SSH1: variants seen among roughly 807,000 people sequenced by gnomAD.
SSH1 encodes the protein slingshot protein phosphatase 1.
In SSH1, 43 loss-of-function variants were observed where a neutral mutation model predicts 79.7. The ratio of observed to expected loss-of-function variants is 0.54; its 90% confidence interval spans 0.42 to 0.70. SSH1 has a LOEUF of 0.70. Among genes scored for constraint, SSH1 ranks in the 30% least tolerant of loss-of-function variants. The pLI, the probability that SSH1 is intolerant of heterozygous loss-of-function variation, is 0.00. For missense variants in SSH1, 1,206 were observed against 1,358.8 expected, an observed-to-expected ratio of 0.89 and a Z score of 1.77; for synonymous variants, 599 against 538.3, an observed-to-expected ratio of 1.11 and a Z score of -1.56.
At chr12:108,804,526 G>A (rs565356068) in intron 10 of SSH1, among the ~76,000 whole-genome samples, 8 of 152,312 alleles carry the variant, frequency 5.3e-5, no homozygotes, top group Middle Eastern at 3.4e-3. Flanking sequence ...TACAGGACCC[G>A]GGTGAGGGCT....
At chr12:108,822,965 G>C (rs2038178523) in intron 3 of SSH1, among the ~76,000 whole-genome samples, 2 of 152,214 alleles carry the variant, frequency 1.3e-5, no homozygotes, top group African/African-American at 4.8e-5. Context: ...AAAAAGTCAG[G>C]CTGTAACTTA....
chr12:108,846,539 G>A (rs1027697377), intron 2 of SSH1, among the ~76,000 whole-genome samples: 5 of 152,234 alleles, frequency 3.3e-5, no homozygotes, highest in African/African-American at 9.6e-5. Flanking sequence ...AGAAGGCAGG[G>A]GAGAGCGAGG....
At chr12:108,824,129 C>T (rs2038226422) in intron 2 of SSH1, among the ~76,000 whole-genome samples, 1 of 152,214 alleles carries the variant, frequency 6.6e-6, no homozygotes, top group African/African-American at 2.4e-5. Context: ...TGAAATTACA[C>T]TTTCACTAGT....
chr12:108,829,964 G>A (rs1439931135), intron 2 of SSH1, among the ~76,000 whole-genome samples: 1 of 152,164 alleles, frequency 6.6e-6, no homozygotes, highest in Admixed American at 6.5e-5. Flanking sequence ...AAATTAGCTA[G>A]GCTTGGTGGT....
chr12:108,852,728 G>T (rs372740490), intron 1 of SSH1, 50 bp from the exon 2 acceptor site: 5 of 1,612,598 alleles, frequency 3.1e-6, no homozygotes, highest in East Asian at 2.2e-5. Context: ...CTGTCAACAC[G>T]CCTCGGGCGG....
chr12:108,827,530 C>T (rs2038356262), intron 2 of SSH1: 2 of 1,282,480 alleles, frequency 1.6e-6, no homozygotes, highest in Non-Finnish European at 2.0e-6. Context: ...TCTTGTCTTC[C>T]TCTGATATTT....
rs765071110 is a variant in SSH1, at chr12:108,788,599, G to A, written c.2539C>T (p.Pro847Ser). 6.2e-7 allele frequency: 1 copy of A among 1,606,938 alleles called. No homozygotes were observed. The highest frequency in any genetic ancestry group is 8.5e-7 in the Non-Finnish European group (1 of 1,174,686). Residue 847 changes from proline (P) to serine (S), a missense_variant, in exon 15 of 15, where the codon CCT (proline) becomes TCT (serine). Pro to Ser is a moderately conservative substitution (Grantham distance 74). Around this residue, in one of 5 missense-constraint regions of SSH1, gnomAD observed 709 missense variants for 730.6 expected, o/e 0.97. Coordinates refer to ENST00000326495, the MANE Select transcript of SSH1 (RefSeq NM_018984.4). ...ADPAPPSRDG[P>S]ASRLEASIPE... is the part of the protein sequence containing the mutation. ...ATGCTGGCCTCCAGCCTGCTGGCAG[G>A]GCCATCCCTGGAGGGAGGTGCTGGG...
In SSH1 at chr12:108,805,161, C is replaced by T. The variant is rs780296555; in HGVS notation, c.849G>A (p.Gln283=). 10 of 1,613,626 alleles carry T rather than the reference C, an allele frequency of 6.2e-6. No homozygotes were observed. The South Asian group carries it at 1.1e-4, about 18-fold the overall frequency. ...SKEIRNELEK[Q]MNCNLKELKE... ...TGAGTTCCTTCAAGTTACAATTCAT[C>T]TGTTTCTCTAATTCATTACGAATCT... The change falls in exon 10 of 15, where the codon CAG becomes CAA. Residue 283 remains glutamine, a synonymous_variant. Transcript: ENST00000326495.
At chr12:108,845,400 G>T (rs1185101942) in intron 2 of SSH1, among the ~76,000 whole-genome samples, 1 of 151,680 alleles carries the variant, frequency 6.6e-6, no homozygotes, top group Non-Finnish European at 1.5e-5. Context: ...CCTGGGTGCG[G>T]TGGCTGGCCA....
intron 2 of SSH1, among the ~76,000 whole-genome samples, chr12:108,840,645 GTCC>G (rs1481696886): frequency 1.3e-5 from 2 of 152,148 alleles, no homozygotes; most frequent in Non-Finnish European, 2.9e-5. Context: ...CCATCTGGAT[GTCC>G]TCCTCATCTC....
At chr12:108,847,021 T>G (rs1451076789) in intron 2 of SSH1, among the ~76,000 whole-genome samples, 1 of 152,124 alleles carries the variant, frequency 6.6e-6, no homozygotes. Flanking sequence ...CTCAACCTCT[T>G]GAGTAGCTGG....
rs746697902 is a variant in SSH1 at position 108,792,576 on chromosome 12, G to C, written c.1603C>G (p.Pro535Ala). The part of the protein sequence containing the change: ...ETGSLVHLED[P>A]EREALLEEAA... ...TCCTCCAACAGAGCCTCCCTCTCCG[G>C]ATCCTCCAGGTGGACCAAGCTGCCA... The change falls in exon 14 of 15, where the codon CCG becomes GCG. Residue 535 changes from proline (P) to alanine (A), a missense_variant. Pro to Ala is a conservative substitution (Grantham distance 27). Around this residue, in one of 5 missense-constraint regions of SSH1, gnomAD observed 709 missense variants for 730.6 expected, o/e 0.97. Transcript: ENST00000326495. The C allele has an allele frequency of 6.2e-7, 1 of 1,613,576 alleles. No homozygotes were observed. The highest frequency in any genetic ancestry group is 1.7e-5 in the Admixed American group (1 of 60,002).
At chr12:108,805,645 G>A (rs1022400985) in intron 9 of SSH1, among the ~76,000 whole-genome samples, 3 of 151,426 alleles carry the variant, frequency 2.0e-5, no homozygotes, top group Non-Finnish European at 4.4e-5. Context: ...GATTGCTTGA[G>A]GCCAGGAGTT....
chr12:108,779,189 G>T lies in SSH1; in HGVS notation c.*8799C>A, dbSNP rs1163194668. On this transcript the variant is annotated 3_prime_UTR_variant, in exon 15 of 15. Coordinates refer to ENST00000326495, the MANE Select transcript of SSH1 (RefSeq NM_018984.4). The stretch of plus-strand genomic sequence containing the variant: ...AATGCCACACTGTATTTGCTGAAGT[G>T]GTTTACAAAAAAAAGGAATTTCAGG... 6.6e-6 allele frequency: 1 copy of T among 152,002 alleles called. No individual in the cohort carries two copies. 9.4% of individuals were successfully genotyped at this position (152,002 alleles called of 1,614,324 possible).
intron 2 of SSH1, among the ~76,000 whole-genome samples, chr12:108,833,080 G>C (rs1184874599): frequency 6.6e-6 from 1 of 152,050 alleles, no homozygotes; most frequent in East Asian, 1.9e-4. Flanking sequence ...CTCTGAGCCA[G>C]CTACACAGCT....
chr12:108,814,585 C>T (rs571847345), intron 5 of SSH1, among the ~76,000 whole-genome samples: 7 of 152,004 alleles, frequency 4.6e-5, no homozygotes, highest in Non-Finnish European at 1.5e-5. Flanking sequence ...TCAGGCCCAG[C>T]GACAGGAAAG....
chr12:108,792,575 G>A lies in SSH1; in HGVS notation c.1604C>T (p.Pro535Leu), dbSNP rs779883939. Residue 535 changes from proline to leucine, a missense_variant, in exon 14 of 15, where the codon CCG becomes CTG. Around this residue, in one of 5 missense-constraint regions of SSH1, gnomAD observed 709 missense variants for 730.6 expected, o/e 0.97. Transcript: ENST00000326495. ...TTCCTCCAACAGAGCCTCCCTCTCC[G>A]GATCCTCCAGGTGGACCAAGCTGCC... ...ETGSLVHLEDPEREALLEEAA... is the reference protein window; with the variant it reads ...ETGSLVHLEDLEREALLEEAA... 4.3e-6 allele frequency: 7 copies of A among 1,613,384 alleles called. No homozygotes were observed. The Admixed American group carries it at 6.7e-5, about 15-fold the overall frequency.
intron 5 of SSH1, among the ~76,000 whole-genome samples, chr12:108,812,506 G>A (rs1258799827): frequency 1.3e-5 from 2 of 152,156 alleles, no homozygotes; most frequent in Admixed American, 6.5e-5. Flanking sequence ...ACGGGGGCAG[G>A]GCCAAGGCCA....
intron 11 of SSH1, among the ~76,000 whole-genome samples, chr12:108,801,785 T>C (rs1278353950): frequency 6.6e-6 from 1 of 150,854 alleles, no homozygotes; most frequent in African/African-American, 2.4e-5. Context: ...AAGGTCTAGA[T>C]TGAAACATTT....
Sources: allele counts gnomAD v4.1 joint callset (sites outside exome capture counted in the v4.1 genomes callset), GRCh38; gene constraint gnomAD v4.1.1; regional missense constraint gnomAD v4.1.1; transcripts MANE v1.5; gene names NCBI Gene and HGNC (gene_info 2026-07-23, HGNC 2026-07-21).